Variants in ELN observed in about 807,000 individuals in gnomAD.
ELN encodes elastin, also known as tropoelastin.
A neutral mutation model predicts 105.8 loss-of-function variants in ELN; 65 were observed. That is an observed-to-expected ratio of 0.61 (90% CI 0.50 to 0.75). The LOEUF is 0.75. ELN is among the 30% of genes least tolerant of loss of function. ELN has a pLI of 0.00. For synonymous variants in ELN, 368 were observed against 389.2 expected (o/e 0.95, Z 0.64); for missense variants, 882 against 969.4 (o/e 0.91, Z 1.20).
chr7:74,062,883 T>A (rs968001138), intron 26 of ELN, among the ~76,000 whole-genome samples: 2 of 152,022 alleles, frequency 1.3e-5, no homozygotes, highest in African/African-American at 4.8e-5. Flanking sequence ...GGCACAGTGG[T>A]TCACACCTTC....
Position 74,046,793 on chromosome 7 carries a change from G to A in ELN, c.643+26G>A, listed in dbSNP as rs1237717854. On this transcript the variant is annotated intron_variant, in intron 12 of 32. Transcript: ENST00000252034. ...GTAAGTCAGAGGGACGGTTCAAGAT[G>A]CACCACTCGGCCGGGTGTGGTGGTT... 1.4e-5 allele frequency: 22 copies of A among 1,613,082 alleles called. No individual in the cohort carries two copies. The African/African-American group carries it at 2.8e-4, about 21-fold the overall frequency.
Position 74,051,461 on chromosome 7 carries a change from C to T in ELN, c.800-289C>T, listed in dbSNP as rs573215604. On this transcript the variant is annotated intron_variant, in intron 15 of 32. Coordinates refer to ENST00000252034, the MANE Select transcript of ELN (RefSeq NM_000501.4). ...AACATTCCTGCAGGGGACCCTCTGG[C>T]CCAGGGAGCGGCCACTTGTGGTTTC... Among the ~76,000 whole-genome samples the T allele has an allele frequency of 2.8e-4, 43 of 152,272 alleles. 1 individual carries two copies. The South Asian group carries it at 8.3e-3, about 29-fold the overall frequency.
chr7:74,047,053 C>T (rs879965244), intron 12 of ELN, among the ~76,000 whole-genome samples: 8 of 151,968 alleles, frequency 5.3e-5, no homozygotes, highest in Non-Finnish European at 1.2e-4. Context: ...TACTGCACTC[C>T]AGCCTGGGTA....
rs782226761 is a variant in ELN, at chr7:74,041,384, T to C, written c.232+133T>C. On this transcript the variant is annotated intron_variant, in intron 5 of 32. Transcript: ENST00000252034. The stretch of plus-strand genomic sequence containing the variant: ...CGTCCTGGGCACTGACGGGGACTGA[T>C]GCTGATACCAACTGCCCCAAGCAGC... 8 of 1,134,720 alleles carry C rather than the reference T, an allele frequency of 7.1e-6. No homozygotes were observed. In the East Asian group the frequency reaches 1.7e-4, roughly 24 times the overall value. 70.3% of individuals were successfully genotyped at this position (1,134,720 alleles called of 1,614,324 possible).
At chr7:74,068,511 G>T in intron 32 of ELN, 146 bp from the exon 33 acceptor site, 1 of 872,998 alleles carries the variant, frequency 1.1e-6, no homozygotes, top group Non-Finnish European at 1.8e-6. Flanking sequence ...TGATGGCATG[G>T]ATCAGGTCTG....
chr7:74,028,446 C>T (rs1412595002), intron 1 of ELN, among the ~76,000 whole-genome samples, 177 bp downstream of exon 1: 1 of 152,192 alleles, frequency 6.6e-6, no homozygotes, highest in African/African-American at 2.4e-5. Context: ...GCCCCGTGCC[C>T]AGGAGGAACC....
At chr7:74,039,123 C>T (rs527240291) in intron 4 of ELN, among the ~76,000 whole-genome samples, 1 of 152,248 alleles carries the variant, frequency 6.6e-6, no homozygotes, top group South Asian at 2.1e-4. Flanking sequence ...TTCATTGATC[C>T]CACTAGGAGC....
intron 1 of ELN, among the ~76,000 whole-genome samples, chr7:74,032,966 G>A (rs1194908470): frequency 6.6e-6 from 1 of 152,232 alleles, no homozygotes; most frequent in East Asian, 1.9e-4. Context: ...AAAATGAAAC[G>A]TAAGTGCCAC....
chr7:74,060,395 T>C lies in ELN; in HGVS notation c.1641T>C (p.Gly547=), dbSNP rs1583966624. The change falls in exon 25 of 33, where the codon GGT becomes GGC. Residue 547 remains glycine, a synonymous_variant. Transcript: ENST00000252034. ...CTGCAGGAGCTGCAGCTGGGCTTGG[T>C]GCTGGCATCCCTGGACTTGGAGTTG... is the stretch of plus-strand genomic sequence containing the variant. ...KAQLRAAAGL[G]AGIPGLGVGV... is the part of the protein sequence containing the mutation. 1 of 1,614,054 alleles carries C rather than the reference T, an allele frequency of 6.2e-7. No homozygotes were observed. Among genetic ancestry groups the C allele is most frequent in the Admixed American group, 1.7e-5 (1 of 60,008 alleles).
chr7:74,066,927 G>C, intron 32 of ELN, 151 bp downstream of exon 32: 2 of 775,166 alleles, frequency 2.6e-6, no homozygotes, highest in Admixed American at 4.3e-5. Context: ...ACCCCGAGCT[G>C]AATGTAGAGC....
chr7:74,044,751 G>C (rs1792066565), intron 9 of ELN, among the ~76,000 whole-genome samples: 1 of 152,202 alleles, frequency 6.6e-6, no homozygotes, highest in African/African-American at 2.4e-5. Context: ...GAAAGCCAAG[G>C]CTGCCCAGCC....
At chr7:74,046,330 T>C in intron 11 of ELN, 113 bp downstream of exon 11, 1 of 1,475,332 alleles carries the variant, frequency 6.8e-7, no homozygotes, top group Non-Finnish European at 9.4e-7. Context: ...CTCCCACGCC[T>C]GCAGAGCCAG....
Position 74,069,042 on chromosome 7 carries a change from G to A in ELN, c.*342G>A. 7.0e-6 allele frequency: 3 copies of A among 429,080 alleles called. No individual in the cohort carries two copies. The highest frequency in any genetic ancestry group is 1.3e-5 in the Non-Finnish European group (3 of 230,090). 26.6% of individuals were successfully genotyped at this position (429,080 alleles called of 1,614,324 possible). A position where few individuals can be genotyped will look rare whatever the true frequency, so the allele number is the denominator to read the frequency against. On this transcript the variant is annotated 3_prime_UTR_variant, in exon 33 of 33. Transcript: ENST00000252034. ...CTTATCTTCCTGGGGGGAGGGAGGA[G>A]GGAAGGGTGGCCCCTCGGGGAACCC...
At position 74,042,675 on chromosome 7, in the gene ELN, C is replaced by T. The variant is rs375549202; in HGVS notation, c.294C>T (p.Asp98=). 2.4e-5 allele frequency: 39 copies of T among 1,613,140 alleles called. No individual in the cohort carries two copies. The highest frequency in any genetic ancestry group is 3.3e-5 in the Admixed American group (2 of 60,002). The change falls in exon 6 of 33, where the codon GAC becomes GAT. Residue 98 remains aspartate (D), a synonymous_variant. Transcript: ENST00000252034. Reference sequence around the variant, plus strand: ...CTCTGGTGCCTGGTGGAGTGGCTGACGCTGCTGCAGCCTATAAAGCTGCTA... The same window carrying T: ...CTCTGGTGCCTGGTGGAGTGGCTGATGCTGCTGCAGCCTATAAAGCTGCTA... ...PGALVPGGVA[D]AAAAYKAAKA...
rs1554687141 is a variant in ELN at position 74,063,912 on chromosome 7, G to A, written c.1993+217G>A. Among the ~76,000 whole-genome samples the A allele has an allele frequency of 1.3e-5, 2 of 151,650 alleles. No individual in the cohort carries two copies. Among genetic ancestry groups the A allele is most frequent in the Non-Finnish European group, 2.9e-5 (2 of 67,920 alleles). ...GAGGTGAGGAGTTTGAGACCAGCCTGGGTGACATGGCGAAACCTCATCTCT... is the reference window on the plus strand; with the variant it reads ...GAGGTGAGGAGTTTGAGACCAGCCTAGGTGACATGGCGAAACCTCATCTCT... On this transcript the variant is annotated intron_variant, in intron 29 of 32. Transcript: ENST00000252034. This position sits in a 1 kb window ranked among gnomAD's most constrained non-coding sequence, Gnocchi z 4.1.
In ELN at chr7:74,057,478, G is replaced by C. The variant is rs1360003517; in HGVS notation, c.1358-162G>C. 1.6e-5 allele frequency: 25 copies of C among 1,566,214 alleles called. No homozygotes were observed. Among genetic ancestry groups the C allele is most frequent in the Non-Finnish European group, 2.1e-5 (24 of 1,154,238 alleles). On this transcript the variant is annotated intron_variant, in intron 21 of 32. Coordinates refer to ENST00000252034, the MANE Select transcript of ELN (RefSeq NM_000501.4). ...ACGGGAGGAGTGCCAGGTGAGCTGTGTCTCCAGCCCAGAGATGGGTTTGGT... is the reference window on the plus strand; with the variant it reads ...ACGGGAGGAGTGCCAGGTGAGCTGTCTCTCCAGCCCAGAGATGGGTTTGGT...
At chr7:74,058,337 C>G (rs1795841734) in intron 22 of ELN, among the ~76,000 whole-genome samples, 1 of 150,332 alleles carries the variant, frequency 6.7e-6, no homozygotes, top group South Asian at 2.1e-4. Flanking sequence ...TCCTCCTTTT[C>G]CTCCTTCTTC....
chr7:74,042,764 C>A, intron 6 of ELN, 58 bp downstream of exon 6: 1 of 1,595,318 alleles, frequency 6.3e-7, no homozygotes. Flanking sequence ...GGGCCCTCCG[C>A]TTTGCAAAGA....
At chr7:74,036,435 C>A in intron 2 of ELN, 120 bp from the exon 3 acceptor site, 1 of 1,309,010 alleles carries the variant, frequency 7.6e-7, no homozygotes. Flanking sequence ...TTGCAGAGAG[C>A]AGGTCTTGCC....
Sources: allele counts gnomAD v4.1 joint callset (sites outside exome capture counted in the v4.1 genomes callset), GRCh38; gene constraint gnomAD v4.1.1; non-coding constraint Gnocchi (gnomAD v3.1); transcripts MANE v1.5; gene names NCBI Gene and HGNC (gene_info 2026-07-23, HGNC 2026-07-21).